The following RAPGEF1 variants were observed in gnomAD, a reference collection of about 807,000 sequenced individuals.
The protein encoded by RAPGEF1 is CRK SH3-binding GNRP.
A neutral mutation model predicts 143.3 loss-of-function variants in RAPGEF1; 33 were observed. That is an observed-to-expected ratio of 0.23 (90% confidence interval 0.17 to 0.31). RAPGEF1 has a LOEUF of 0.31. Among genes scored for constraint, RAPGEF1 ranks in the 10% least tolerant of loss-of-function variants. The pLI, the probability that RAPGEF1 is intolerant of heterozygous loss-of-function variation, is 1.00. For synonymous variants in RAPGEF1, 629 were observed against 676.5 expected (o/e 0.93, Z 1.09); for missense variants, 1,199 against 1,645.4 (o/e 0.73, Z 4.69).
intron 1 of RAPGEF1, among the ~76,000 whole-genome samples, chr9:131,699,940 C>T (rs1834502475): frequency 6.6e-6 from 1 of 152,160 alleles, no homozygotes; most frequent in African/African-American, 2.4e-5. Flanking sequence ...GATTTTTATA[C>T]TCCAGATTTT....
chr9:131,615,541 A>G (rs1958844167), intron 12 of RAPGEF1, among the ~76,000 whole-genome samples: 1 of 152,222 alleles, frequency 6.6e-6, no homozygotes, highest in Admixed American at 6.5e-5. Context: ...AGAGAAGCCC[A>G]GCAAACAGTC....
intron 1 of RAPGEF1, among the ~76,000 whole-genome samples, chr9:131,694,301 T>C (rs2131045280): frequency 6.6e-6 from 1 of 152,276 alleles, no homozygotes; most frequent in Admixed American, 6.5e-5. Context: ...GGGCATGCAT[T>C]AGATGTACTG....
At chr9:131,643,647 A>G (rs1968691384) in intron 3 of RAPGEF1, among the ~76,000 whole-genome samples, 1 of 152,184 alleles carries the variant, frequency 6.6e-6, no homozygotes, top group Admixed American at 6.5e-5. Context: ...AAATTTCTGA[A>G]TTCCCTTTCC....
At chr9:131,608,200 G>C (rs185524132) in intron 12 of RAPGEF1, among the ~76,000 whole-genome samples, 2 of 152,224 alleles carry the variant, frequency 1.3e-5, no homozygotes, top group African/African-American at 2.4e-5. Context: ...AGCGCTGCGT[G>C]CAAGTCCTCC....
In RAPGEF1 at chr9:131,632,295, A is replaced by ATT. The variant is rs55684326; in HGVS notation, c.652-1973_652-1972dup. Among the ~76,000 whole-genome samples the ATT allele has an allele frequency of 3.9e-3, 537 of 136,046 alleles. 6 individuals are homozygous for ATT. The highest frequency in any genetic ancestry group is 0.012 in the African/African-American group (415 of 35,912). The allele number at this position is 136,046 out of a possible 152,430, so 89.3% of individuals were successfully genotyped here. ...AGGCACCTGCCACTGCACCCGGCTA[A>ATT]TTTTTTTTTTTTTTTTTGTATTTTT... On this transcript the variant is annotated intron_variant, in intron 5 of 26. Coordinates refer to ENST00000683357, the MANE Select transcript of RAPGEF1 (RefSeq NM_001377935.1).
intron 25 of RAPGEF1, among the ~76,000 whole-genome samples, chr9:131,581,683 CAG>C: frequency 6.6e-6 from 1 of 152,284 alleles, no homozygotes; most frequent in African/African-American, 2.4e-5. Context: ...GCCTGGGTGA[CAG>C]AGTGAGACTC....
intron 3 of RAPGEF1, among the ~76,000 whole-genome samples, chr9:131,645,267 G>T (rs889220462): frequency 2.6e-5 from 4 of 152,228 alleles, no homozygotes; most frequent in Non-Finnish European, 5.9e-5. Context: ...AGAGGACTAT[G>T]ACAGTAACAC....
chr9:131,580,960 C>A (rs918104214), intron 25 of RAPGEF1, among the ~76,000 whole-genome samples: 1 of 151,996 alleles, frequency 6.6e-6, no homozygotes, highest in African/African-American at 2.4e-5. Context: ...ACCTGGCCAA[C>A]ATGGTGAAAC....
chr9:131,714,550 C>G (rs1300832296), intron 1 of RAPGEF1, among the ~76,000 whole-genome samples: 1 of 152,030 alleles, frequency 6.6e-6, no homozygotes, highest in African/African-American at 2.4e-5. Flanking sequence ...TACGAGGAAG[C>G]GCCAAGCACT....
rs778562783 is a variant in RAPGEF1, at chr9:131,579,554, C to T, written c.3735G>A (p.Leu1245=). The change falls in exon 27 of 27, where the codon CTG becomes CTA. Residue 1245 remains leucine (L), a synonymous_variant. Coordinates refer to ENST00000683357, the MANE Select transcript of RAPGEF1 (RefSeq NM_001377935.1). ...TTGTTATGTTCCTGGGTTTAATTTT[C>T]AGAGACAGTTCCCATAGGGCCTCCT... ...LAEEALWELS[L]KIKPRNITRR... The T allele has an allele frequency of 5.6e-6, 9 of 1,614,040 alleles. No homozygotes were observed. The highest frequency in any genetic ancestry group is 2.2e-5 in the East Asian group (1 of 44,890).
Position 131,605,151 on chromosome 9 carries a change from A to G in RAPGEF1, c.2099T>C (p.Val700Ala), listed in dbSNP as rs1308914988. Residue 700 changes from valine to alanine, a missense_variant, in exon 13 of 27, where the codon GTG becomes GCG. Val to Ala is a moderately conservative substitution (Grantham distance 64). Coordinates refer to ENST00000683357, the MANE Select transcript of RAPGEF1 (RefSeq NM_001377935.1). ...SVFRSYSQDF[V>A]PHHQASVPPF... ...CGGAACGGAAGCTTGGTGGTGAGGC[A>G]CGAAATCCTGGGAGTAGGACCTAAA... 7.3e-7 allele frequency: 1 copy of G among 1,361,584 alleles called. No individual in the cohort carries two copies. The highest frequency in any genetic ancestry group is 1.9e-5 in the Admixed American group (1 of 51,916). 84.3% of individuals were successfully genotyped at this position (1,361,584 alleles called of 1,614,324 possible).
chr9:131,602,612 C>T lies in RAPGEF1; in HGVS notation c.2413-463G>A, dbSNP rs555835447. Among the ~76,000 whole-genome samples the T allele has an allele frequency of 4.9e-4, 75 of 152,220 alleles. 1 individual carries two copies. Among genetic ancestry groups the T allele is most frequent in the South Asian group, 1.7e-3 (8 of 4,832 alleles). On this transcript the variant is annotated intron_variant, in intron 14 of 26. Transcript: ENST00000683357. ...TAAACAGCAGAGCTTGGATTTGAACCCAGGGCTATCTACCTGCAAAGCCTG... is the reference window on the plus strand; with the variant it reads ...TAAACAGCAGAGCTTGGATTTGAACTCAGGGCTATCTACCTGCAAAGCCTG...
chr9:131,626,214 T>C lies in RAPGEF1; in HGVS notation c.1410A>G (p.Pro470=). The C allele has an allele frequency of 6.2e-7, 1 of 1,613,800 alleles. No individual in the cohort carries two copies. Among genetic ancestry groups the C allele is most frequent in the Non-Finnish European group, 8.5e-7 (1 of 1,179,776 alleles). Residue 470 remains proline, a synonymous_variant, in exon 10 of 27, where the codon CCA becomes CCG. Coordinates refer to ENST00000683357, the MANE Select transcript of RAPGEF1 (RefSeq NM_001377935.1). ...PLAPGQQTDT[P]PALPEKKRRS... is the part of the protein sequence containing the mutation. ...TGCGCTTCTTCTCGGGGAGAGCAGG[T>C]GGCGTATCTGTCTGCTGCCCTGGGG...
intron 1 of RAPGEF1, 78 bp from the exon 2 acceptor site, chr9:131,651,027 C>A: frequency 6.6e-7 from 1 of 1,505,114 alleles, no homozygotes. Flanking sequence ...TGGAAATGAG[C>A]AATGTCCCCA....
chr9:131,709,548 C>T, intron 1 of RAPGEF1: 1 of 1,449,516 alleles, frequency 6.9e-7, no homozygotes, highest in South Asian at 1.2e-5. Context: ...TTCAGCTCTG[C>T]TGCTGGGCCA....
chr9:131,685,581 C>G (rs1234048206), intron 1 of RAPGEF1, among the ~76,000 whole-genome samples: 1 of 152,188 alleles, frequency 6.6e-6, no homozygotes, highest in Non-Finnish European at 1.5e-5. Context: ...TTGGCCCATC[C>G]CTTCGTTTCC....
chr9:131,612,695 G>A (rs1256754370), intron 12 of RAPGEF1, among the ~76,000 whole-genome samples: 1 of 152,188 alleles, frequency 6.6e-6, no homozygotes, highest in Non-Finnish European at 1.5e-5. Context: ...ACAAGACCAG[G>A]TCAAGCTGAG....
intron 1 of RAPGEF1, among the ~76,000 whole-genome samples, chr9:131,733,314 G>A (rs1258425289): frequency 2.2e-5 from 3 of 139,480 alleles, no homozygotes; most frequent in East Asian, 2.2e-4. Context: ...AAACCTGAAC[G>A]TTCAGCACAT....
At chr9:131,613,124 C>T (rs755756782) in intron 12 of RAPGEF1, among the ~76,000 whole-genome samples, 3 of 152,330 alleles carry the variant, frequency 2.0e-5, no homozygotes, top group Non-Finnish European at 2.9e-5. Context: ...TTGTGCGTCA[C>T]GTACTACATG....
Sources: allele counts gnomAD v4.1 joint callset (sites outside exome capture counted in the v4.1 genomes callset), GRCh38; gene constraint gnomAD v4.1.1; transcripts MANE v1.5; gene names NCBI Gene and HGNC (gene_info 2026-07-23, HGNC 2026-07-21).